CAMKK2: variants seen among roughly 807,000 people sequenced by gnomAD.
CAMKK2 encodes calcium/calmodulin-dependent protein kinase kinase 2.
CAMKK2 carries 30 observed loss-of-function variants against 67.2 expected under a neutral mutation model. The ratio of observed to expected loss-of-function variants is 0.45; its 90% CI spans 0.33 to 0.61. CAMKK2 has a LOEUF of 0.61. CAMKK2 is among the 20% of genes least tolerant of loss of function. The pLI is 0.02. For missense variants in CAMKK2, 643 were observed against 802.0 expected, an observed-to-expected ratio of 0.80 and a Z score of 2.39; for synonymous variants, 322 against 326.2, an observed-to-expected ratio of 0.99 and a Z score of 0.14.
chr12:121,297,567 TCCC>T (rs1383253021), upstream of CAMKK2: 2 of 514,974 alleles, frequency 3.9e-6, no homozygotes, highest in Admixed American at 3.9e-5. Flanking sequence ...GTGCGTTGGA[TCCC>T]CCAGCTGGAT....
chr12:121,293,191 C>A (rs573218035), intron 1 of CAMKK2, among the ~76,000 whole-genome samples: 1 of 152,030 alleles, frequency 6.6e-6, no homozygotes, highest in Admixed American at 6.6e-5. Flanking sequence ...GCAGGAGAAT[C>A]GCTTGAACCT....
rs1892115824 is a variant in CAMKK2, at chr12:121,255,645, G to A, written c.819-7C>T. 3 of 1,612,226 alleles carry A rather than the reference G, an allele frequency of 1.9e-6. No homozygotes were observed. Among genetic ancestry groups the A allele is most frequent in the African/African-American group, 2.7e-5 (2 of 74,714 alleles). On this transcript the variant is annotated splice_polypyrimidine_tract_variant and splice_region_variant and intron_variant, in intron 8 of 16. Transcript: ENST00000404169. ...GGGCACTTCCATCACGGGCCTGAAA[G>A]GTCGACACTCATGTGAAACACAAAG...
chr12:121,275,706 G>T (rs1412893316), intron 1 of CAMKK2, among the ~76,000 whole-genome samples: 2 of 151,960 alleles, frequency 1.3e-5, no homozygotes, highest in East Asian at 3.9e-4. Context: ...TAGTGGGTGT[G>T]GGGAATGGCT....
In CAMKK2 at chr12:121,285,898, T is replaced by C. The variant is rs149339898; in HGVS notation, c.-60+10740A>G. Reference sequence around the variant, plus strand: ...GAAGTGTTGAAAAGAAAGAATGTCCTTTCTGTTGAACCTAGAGCTCAGAGG... The same window carrying C: ...GAAGTGTTGAAAAGAAAGAATGTCCCTTCTGTTGAACCTAGAGCTCAGAGG... On this transcript the variant is annotated intron_variant, in intron 1 of 16. Transcript: ENST00000404169. The surrounding 1 kb of genome is among the most constrained non-coding windows in gnomAD (Gnocchi z 4.1). 3.9e-5 allele frequency among the ~76,000 whole-genome samples: 6 copies of C among 152,294 alleles called. No individual in the cohort carries two copies. The East Asian group carries it at 9.7e-4, about 25-fold the overall frequency.
intron 1 of CAMKK2, among the ~76,000 whole-genome samples, chr12:121,286,359 G>C (rs1838004031): frequency 6.6e-6 from 1 of 152,172 alleles, no homozygotes; most frequent in Non-Finnish European, 1.5e-5. Context: ...GGCAGGGAAG[G>C]GCTGATGAAC....
Position 121,263,965 on chromosome 12 carries a change from G to C in CAMKK2, c.626-26C>G, listed in dbSNP as rs774213396. 1.9e-6 allele frequency: 3 copies of C among 1,560,058 alleles called. No individual in the cohort carries two copies. In the African/African-American group the frequency reaches 4.1e-5, roughly 21 times the overall value. On this transcript the variant is annotated intron_variant, in intron 5 of 16. Transcript: ENST00000404169. ...CTGAAGGAAACAAAAACAGACCCAGGGTCAGGGCAAAGAGACTTTCCTCCG... is the reference window on the plus strand; with the variant it reads ...CTGAAGGAAACAAAAACAGACCCAGCGTCAGGGCAAAGAGACTTTCCTCCG...
intron 2 of CAMKK2, among the ~76,000 whole-genome samples, chr12:121,272,705 A>G (rs1225258269): frequency 6.7e-6 from 1 of 149,906 alleles, no homozygotes. Context: ...TCTACTTAAA[A>G]AAAAAAAAAA....
chr12:121,250,782 T>C (rs1423578136), intron 11 of CAMKK2, among the ~76,000 whole-genome samples: 10 of 152,216 alleles, frequency 6.6e-5, no homozygotes, highest in African/African-American at 9.6e-5. Context: ...CTGCACAAAG[T>C]AAGGGCTCAA....
At position 121,296,334 on chromosome 12, in the gene CAMKK2, C is replaced by T. The variant is rs1901196088; in HGVS notation, c.-60+304G>A. ...CTGACGGACCCGGCCCCCGGTGACC[C>T]CGGTTCCAAACTCCAGGACCGCCCC... is the stretch of plus-strand genomic sequence containing the variant. On this transcript the variant is annotated intron_variant, in intron 1 of 16. Coordinates refer to ENST00000404169, the MANE Select transcript of CAMKK2 (RefSeq NM_001270485.2). The surrounding 1 kb of genome is among the most constrained non-coding windows in gnomAD (Gnocchi z 7.1). Among the ~76,000 whole-genome samples the T allele has an allele frequency of 6.6e-6, 1 of 152,182 alleles. No individual in the cohort carries two copies. The highest frequency in any genetic ancestry group is 1.5e-5 in the Non-Finnish European group (1 of 68,018).
intron 1 of CAMKK2, among the ~76,000 whole-genome samples, chr12:121,289,420 C>A (rs912427494): frequency 6.6e-6 from 1 of 152,134 alleles, no homozygotes; most frequent in African/African-American, 2.4e-5. Flanking sequence ...TTAAAGATGT[C>A]TTTTTTATTA....
chr12:121,251,072 C>A (rs1367381672), intron 11 of CAMKK2, among the ~76,000 whole-genome samples: 1 of 152,190 alleles, frequency 6.6e-6, no homozygotes, highest in Non-Finnish European at 1.5e-5. Flanking sequence ...GGAATCCTTA[C>A]ACGGGACACT....
In CAMKK2 at chr12:121,284,847, G is replaced by A. The variant is rs533223059; in HGVS notation, c.-59-10262C>T. The stretch of plus-strand genomic sequence containing the variant: ...TTGGAGGAGAAATGCACAGGATTTG[G>A]GCACAGGGACATGGACATGACTAAC... On this transcript the variant is annotated intron_variant, in intron 1 of 16. Transcript: ENST00000404169. Among the ~76,000 whole-genome samples, 4 of 152,294 alleles carry A rather than the reference G, an allele frequency of 2.6e-5. No individual in the cohort carries two copies. The East Asian group carries it at 7.7e-4, about 29-fold the overall frequency.
At chr12:121,247,438 C>G (rs1436928417) in intron 14 of CAMKK2, among the ~76,000 whole-genome samples, 3 of 152,202 alleles carry the variant, frequency 2.0e-5, no homozygotes, top group African/African-American at 7.2e-5. Context: ...TCCCAAGAAC[C>G]CGTCCCAGAG....
At chr12:121,255,835 A>G (rs1315863016) in intron 7 of CAMKK2, 31 bp from the exon 8 acceptor site, 2 of 1,611,108 alleles carry the variant, frequency 1.2e-6, no homozygotes, top group East Asian at 2.2e-5. Context: ...AAACTGTTAC[A>G]TGGGAAACTG....
chr12:121,276,149 G>A lies in CAMKK2; in HGVS notation c.-59-1564C>T, dbSNP rs534236659. Among the ~76,000 whole-genome samples, 417 of 124,208 alleles carry A rather than the reference G, an allele frequency of 3.4e-3. 2 individuals carry two copies. The highest frequency in any genetic ancestry group is 5.3e-3 in the Non-Finnish European group (322 of 60,572). The allele number at this position is 124,208 out of a possible 152,430, so 81.5% of individuals were successfully genotyped here. On this transcript the variant is annotated intron_variant, in intron 1 of 16. Transcript: ENST00000404169. ...CACTTCAGCCTGGATGACAGAGTGAGACTCCATCTCAAAAAAAAAAAAAAA... is the reference window on the plus strand; with the variant it reads ...CACTTCAGCCTGGATGACAGAGTGAAACTCCATCTCAAAAAAAAAAAAAAA...
intron 6 of CAMKK2, among the ~76,000 whole-genome samples, chr12:121,261,963 G>A (rs1167749137): frequency 2.0e-5 from 3 of 152,210 alleles, no homozygotes; most frequent in African/African-American, 7.2e-5. Context: ...GATGTCTGCA[G>A]ATCCCCAAGA....
Position 121,253,143 on chromosome 12 carries a change from A to G in CAMKK2, c.1107+130T>C. 1.3e-6 allele frequency: 1 copy of G among 761,952 alleles called. No individual in the cohort carries two copies. The highest frequency in any genetic ancestry group is 2.2e-6 in the Non-Finnish European group (1 of 454,844). 47.2% of individuals were successfully genotyped at this position (761,952 alleles called of 1,614,324 possible). A position where few individuals can be genotyped will look rare whatever the true frequency, so the allele number is the denominator to read the frequency against. On this transcript the variant is annotated intron_variant, in intron 10 of 16. Transcript: ENST00000404169. The surrounding 1 kb of genome is among the most constrained non-coding windows in gnomAD (Gnocchi z 5.0). Reference sequence around the variant, plus strand: ...AGTCCCTGGATCTAGCCAAGCCTGAAGCCTACCCCTCAGTATCTTGATCCA... The same window carrying G: ...AGTCCCTGGATCTAGCCAAGCCTGAGGCCTACCCCTCAGTATCTTGATCCA...
intron 9 of CAMKK2, among the ~76,000 whole-genome samples, chr12:121,255,287 T>TATAA (rs1566058903): frequency 3.1e-5 from 1 of 32,160 alleles, no homozygotes; most frequent in Non-Finnish European, 5.3e-5. Flanking sequence ...ATTATATATA[T>TATAA]AATTATATAT....
At chr12:121,249,512 C>T (rs3794202) in intron 13 of CAMKK2, among the ~76,000 whole-genome samples, 39,280 of 152,002 alleles carry the variant, frequency 0.26, 5,700 homozygotes, top group African/African-American at 0.38. Context: ...GGCCCCATGC[C>T]GGTCTGCAGA....
Sources: allele counts gnomAD v4.1 joint callset (sites outside exome capture counted in the v4.1 genomes callset), GRCh38; gene constraint gnomAD v4.1.1; non-coding constraint Gnocchi (gnomAD v3.1); transcripts MANE v1.5; gene names NCBI Gene and HGNC (gene_info 2026-07-23, HGNC 2026-07-21).